MED13: variants seen among roughly 807,000 people sequenced by gnomAD.
MED13 encodes mediator complex subunit 13.
A neutral mutation model predicts 225.2 loss-of-function variants in MED13; 23 were observed. The observed-to-expected ratio is 0.10, with a 90% CI of 0.07 to 0.14. The LOEUF is 0.14. Ranked by LOEUF, MED13 falls within the 10% of genes least tolerant of loss-of-function variation. MED13 has a pLI of 1.00. For missense variants in MED13, 2,197 were observed against 2,594.5 expected, an observed-to-expected ratio of 0.85 and a Z score of 3.33; for synonymous variants, 942 against 889.2, an observed-to-expected ratio of 1.06 and a Z score of -1.06.
intron 8 of MED13, among the ~76,000 whole-genome samples, chr17:62,025,889 T>C (rs1487243012): frequency 6.6e-6 from 1 of 152,218 alleles, no homozygotes; most frequent in African/African-American, 2.4e-5. Context: ...TGCCAGACTT[T>C]TAAAAATTAC....
rs755880635 is a variant in MED13 at position 61,987,095 on chromosome 17, G to A, written c.2297C>T (p.Pro766Leu). ...TGAGTCATAAATCAAACTTGTTGAT[G>A]GAGGACGGGCATGACTAGTAGGGCG... ...APRPTSHARPPSTSLIYDSDL... is the reference protein window; with the variant it reads ...APRPTSHARPLSTSLIYDSDL... The change falls in exon 12 of 30, where the codon CCA becomes CTA. Residue 766 changes from proline to leucine, a missense_variant. Pro to Leu is a moderately conservative substitution (Grantham distance 98, BLOSUM62 -3). Coordinates refer to ENST00000397786, the MANE Select transcript of MED13 (RefSeq NM_005121.3). 27 of 1,608,632 alleles carry A rather than the reference G, an allele frequency of 1.7e-5. No homozygotes were observed. Among genetic ancestry groups the A allele is most frequent in the Non-Finnish European group, 2.3e-5 (27 of 1,176,904 alleles).
At chr17:61,992,693 A>G in intron 10 of MED13, 72 bp from the exon 11 acceptor site, 2 of 1,067,840 alleles carry the variant, frequency 1.9e-6, no homozygotes, top group South Asian at 2.7e-5. Context: ...ATTATTGAGG[A>G]GCTGTGTGTC....
At chr17:61,981,538 T>G (rs997015463) in intron 16 of MED13, among the ~76,000 whole-genome samples, 1 of 152,166 alleles carries the variant, frequency 6.6e-6, no homozygotes, top group African/African-American at 2.4e-5. Context: ...ACCTTAATGT[T>G]CCTCAAACAT....
intron 2 of MED13, 42 bp from the exon 3 acceptor site, chr17:62,052,747 A>C (rs1197694389): frequency 6.8e-7 from 1 of 1,462,100 alleles, no homozygotes; most frequent in South Asian, 1.4e-5. Flanking sequence ...GTGACACTAT[A>C]ATCTATTCAG....
Position 61,946,948 on chromosome 17 carries a change from G to C in MED13, c.6361C>G (p.Leu2121Val). The C allele has an allele frequency of 6.2e-7, 1 of 1,614,046 alleles. No homozygotes were observed. Among genetic ancestry groups the C allele is most frequent in the Non-Finnish European group, 8.5e-7 (1 of 1,179,928 alleles). Residue 2121 changes from leucine (L) to valine (V), a missense_variant, in exon 29 of 30, where the codon CTT becomes GTT. Transcript: ENST00000397786. ...ACATCTGAAGTCTGATTTGAGTCAAGTGGGTGGGAGTGTTTACTGTGAAGC... is the reference window on the plus strand; with the variant it reads ...ACATCTGAAGTCTGATTTGAGTCAACTGGGTGGGAGTGTTTACTGTGAAGC... ...ELLHSKHSHP[L>V]DSNQTSDVLR...
rs985047651 is a variant in MED13, at chr17:61,974,351, C to A, written c.3806-1463G>T. Among the ~76,000 whole-genome samples the A allele has an allele frequency of 1.2e-4, 18 of 152,040 alleles. 1 individual carries two copies. The highest frequency in any genetic ancestry group is 2.9e-5 in the Non-Finnish European group (2 of 68,020). On this transcript the variant is annotated intron_variant, in intron 16 of 29. Transcript: ENST00000397786. ...CCCATGAGGTCAAGGTTACAGTGAG[C>A]CATGATAGCGTAACACTGCACTTCA...
intron 23 of MED13, among the ~76,000 whole-genome samples, chr17:61,958,154 G>A (rs567820257): frequency 2.7e-4 from 41 of 150,066 alleles, no homozygotes; most frequent in African/African-American, 9.0e-4. Flanking sequence ...GTGAGCCACC[G>A]CGCCCAGCTG....
intron 3 of MED13, among the ~76,000 whole-genome samples, chr17:62,048,045 T>TACATATAC: frequency 7.6e-6 from 1 of 131,802 alleles, no homozygotes; most frequent in Admixed American, 7.7e-5. Context: ...TACATATACA[T>TACATATAC]ATATATATAT....
At chr17:61,965,585 CCG>C (rs2080050941) in intron 19 of MED13, 117 bp from the exon 20 acceptor site, 6 of 1,039,370 alleles carry the variant, frequency 5.8e-6, no homozygotes, top group South Asian at 1.7e-5. Context: ...AATTATAGCC[CCG>C]AAATTGCTTG....
intron 14 of MED13, 51 bp downstream of exon 14, chr17:61,984,600 C>G: frequency 6.8e-7 from 1 of 1,466,676 alleles, no homozygotes; most frequent in South Asian, 1.3e-5. Context: ...CAAATTAATT[C>G]TATAAGAAAA....
rs200927971 is a variant in MED13, at chr17:62,049,586, GA to G, written c.470+2950del. On this transcript the variant is annotated intron_variant, in intron 3 of 29. Coordinates refer to ENST00000397786, the MANE Select transcript of MED13 (RefSeq NM_005121.3). ...TAACTCATAACATTAATAATTAAGTGAAAAAAAGGGATAATCATTAACACCT... is the reference window on the plus strand; with the variant it reads ...TAACTCATAACATTAATAATTAAGTGAAAAAAGGGATAATCATTAACACCT... 3.3e-3 allele frequency among the ~76,000 whole-genome samples: 508 copies of G among 151,896 alleles called. 3 individuals are homozygous for G. The highest frequency in any genetic ancestry group is 0.011 in the African/African-American group (440 of 41,480).
chr17:61,951,581 T>C (rs1016244462), intron 27 of MED13, among the ~76,000 whole-genome samples: 1 of 152,150 alleles, frequency 6.6e-6, no homozygotes, highest in Non-Finnish European at 1.5e-5. Flanking sequence ...AAAAAAAATC[T>C]TACATGTCCA....
intron 20 of MED13, among the ~76,000 whole-genome samples, chr17:61,964,564 T>TA (rs2143365440): frequency 6.6e-6 from 1 of 152,012 alleles, no homozygotes; most frequent in African/African-American, 2.4e-5. Context: ...GACCTTGTCT[T>TA]AAAAAAAGAT....
intron 8 of MED13, among the ~76,000 whole-genome samples, chr17:62,028,775 G>A (rs576592384): frequency 6.6e-6 from 1 of 151,890 alleles, no homozygotes; most frequent in South Asian, 2.1e-4. Flanking sequence ...AACCCGGGAG[G>A]TGGAGCTTGC....
rs890393330 is a variant in MED13, at chr17:62,049,078, CAA to C, written c.470+3457_470+3458del. On this transcript the variant is annotated intron_variant, in intron 3 of 29. Coordinates refer to ENST00000397786, the MANE Select transcript of MED13 (RefSeq NM_005121.3). ...GGCACCACCATAACAGTAAATAAGA[CAA>C]AAAAAAAAAAAAAAAGGAGAAATGA... Among the ~76,000 whole-genome samples the C allele has an allele frequency of 4.5e-3, 202 of 45,296 alleles. 2 individuals carry two copies. The highest frequency in any genetic ancestry group is 0.015 in the African/African-American group (170 of 11,516). 29.7% of individuals were successfully genotyped at this position (45,296 alleles called of 152,430 possible).
At chr17:61,952,902 TG>T in intron 27 of MED13, 62 bp downstream of exon 27, 2 of 1,550,982 alleles carry the variant, frequency 1.3e-6, no homozygotes, top group Non-Finnish European at 1.7e-6. Flanking sequence ...CCCAAAGTGC[TG>T]GGATTTTAGG....
Position 61,955,451 on chromosome 17 carries a change from C to A in MED13, c.5899G>T (p.Ala1967Ser). 6.3e-7 allele frequency: 1 copy of A among 1,597,678 alleles called. No homozygotes were observed. The highest frequency in any genetic ancestry group is 8.5e-7 in the Non-Finnish European group (1 of 1,175,058). The change falls in exon 26 of 30, where the codon GCT becomes TCT. Residue 1967 changes from alanine (A) to serine (S), a missense_variant. Around this residue, in one of 12 missense-constraint regions of MED13, gnomAD observed 216 missense variants for 388.9 expected, o/e 0.56. Transcript: ENST00000397786. ...GTAGCTGAAGCTACTTGCACAGAAG[C>A]AGAAGTAGGAAACACAAGTATATGA... is the stretch of plus-strand genomic sequence containing the variant. ...CTHILVFPTSASVQVASATYT... is the reference protein window; with the variant it reads ...CTHILVFPTSSSVQVASATYT...
intron 11 of MED13, among the ~76,000 whole-genome samples, chr17:61,987,921 T>C (rs2080262515): frequency 6.6e-6 from 1 of 152,006 alleles, no homozygotes; most frequent in Non-Finnish European, 1.5e-5. Flanking sequence ...TTTTTTTTTT[T>C]TCCTCGAGTT....
At chr17:61,981,825 A>G (rs1210042070) in intron 16 of MED13, among the ~76,000 whole-genome samples, 1 of 152,234 alleles carries the variant, frequency 6.6e-6, no homozygotes, top group African/African-American at 2.4e-5. Context: ...AGGGCAAAGA[A>G]TATGTGTGCT....
Sources: allele counts gnomAD v4.1 joint callset (sites outside exome capture counted in the v4.1 genomes callset), GRCh38; gene constraint gnomAD v4.1.1; regional missense constraint gnomAD v4.1.1; transcripts MANE v1.5; gene names NCBI Gene and HGNC (gene_info 2026-07-23, HGNC 2026-07-21).